The following CTNNA2 variants were observed in gnomAD, a reference collection of about 807,000 sequenced individuals.
CTNNA2 encodes the protein catenin alpha-2.
In CTNNA2, 42 loss-of-function variants were observed where a neutral mutation model predicts 101.0. That is an observed-to-expected ratio of 0.42 (90% confidence interval 0.32 to 0.54). The LOEUF is 0.54. CTNNA2 is among the 20% of genes least tolerant of loss of function. The pLI is 0.14. For synonymous variants in CTNNA2, 450 were observed against 456.4 expected (o/e 0.99, Z 0.18); for missense variants, 871 against 1,223.1 (o/e 0.71, Z 4.29).
At chr2:79,731,840 T>G (rs372619315) in intron 2 of CTNNA2, among the ~76,000 whole-genome samples, 1 of 44 alleles carries the variant, frequency 0.023, no homozygotes, top group Non-Finnish European at 0.071. Flanking sequence ...TTATTTTTGT[T>G]TTTTTTTTTT....
intron 7 of CTNNA2, among the ~76,000 whole-genome samples, chr2:80,141,602 C>T (rs1236534516): frequency 6.6e-6 from 1 of 152,074 alleles, no homozygotes; most frequent in Non-Finnish European, 1.5e-5. Flanking sequence ...ACAACATAAA[C>T]CACCATGAAG....
At chr2:80,571,014 T>G (rs1694543171) in intron 12 of CTNNA2, among the ~76,000 whole-genome samples, 1 of 152,136 alleles carries the variant, frequency 6.6e-6, no homozygotes, top group Admixed American at 6.5e-5. Flanking sequence ...AGGAGGTGGT[T>G]TTAGCGAGAT....
intron 3 of CTNNA2, among the ~76,000 whole-genome samples, chr2:79,343,510 C>T (rs1260326241): frequency 6.6e-6 from 1 of 152,094 alleles, no homozygotes; most frequent in African/African-American, 2.4e-5. Context: ...CTAGAAATAA[C>T]ATATTGATTT....
chr2:79,257,465 A>G (rs1249399826), intron 2 of CTNNA2, among the ~76,000 whole-genome samples: 2 of 152,018 alleles, frequency 1.3e-5, no homozygotes, highest in Non-Finnish European at 2.9e-5. Flanking sequence ...GCCCTAAATG[A>G]CAAGCAATGG....
chr2:79,909,028 T>C (rs1685609887), intron 6 of CTNNA2, among the ~76,000 whole-genome samples: 1 of 152,192 alleles, frequency 6.6e-6, no homozygotes, highest in Non-Finnish European at 1.5e-5. Context: ...TTGTGACAAG[T>C]CTCATACACA....
At chr2:80,448,922 T>G (rs1442505531) in intron 9 of CTNNA2, among the ~76,000 whole-genome samples, 3 of 152,140 alleles carry the variant, frequency 2.0e-5, no homozygotes, top group Non-Finnish European at 4.4e-5. Context: ...TGAAAGGCAA[T>G]TCTTAAGGCA....
intron 3 of CTNNA2, among the ~76,000 whole-genome samples, chr2:79,780,933 A>G (rs1674374021): frequency 6.6e-6 from 1 of 152,220 alleles, no homozygotes; most frequent in Non-Finnish European, 1.5e-5. Context: ...AAGAAAAGTA[A>G]TAAAGATGTC....
chr2:79,361,628 AATAGGATATACAT>A (rs1677631783), intron 3 of CTNNA2, among the ~76,000 whole-genome samples: 2 of 152,178 alleles, frequency 1.3e-5, no homozygotes, highest in Admixed American at 1.3e-4. Flanking sequence ...GGATAGAACT[AATAGGATATACAT>A]ATAAAGGGGA....
intron 7 of CTNNA2, among the ~76,000 whole-genome samples, chr2:79,917,510 T>C (rs1686335707): frequency 6.6e-6 from 1 of 152,252 alleles, no homozygotes; most frequent in African/African-American, 2.4e-5. Flanking sequence ...GAAGTCTTTC[T>C]GCCCTTGCAA....
At chr2:79,293,995 G>C (rs1305223984) in intron 2 of CTNNA2, among the ~76,000 whole-genome samples, 1 of 151,988 alleles carries the variant, frequency 6.6e-6, no homozygotes, top group African/African-American at 2.4e-5. Flanking sequence ...ATAAAGTATG[G>C]AAAGTACTGT....
intron 7 of CTNNA2, among the ~76,000 whole-genome samples, chr2:80,231,401 T>G (rs2149074565): frequency 6.6e-6 from 1 of 152,330 alleles, no homozygotes; most frequent in East Asian, 1.9e-4. Context: ...CCTCAGGTCA[T>G]CTTCCCACTG....
chr2:80,024,946 G>T (rs546356986), intron 7 of CTNNA2, among the ~76,000 whole-genome samples: 1 of 152,280 alleles, frequency 6.6e-6, no homozygotes, highest in African/African-American at 2.4e-5. Flanking sequence ...TTGAGCAGTG[G>T]AAGTGGGTCT....
chr2:80,213,294 A>G (rs1470966648), intron 7 of CTNNA2, among the ~76,000 whole-genome samples: 14 of 151,766 alleles, frequency 9.2e-5, no homozygotes, highest in Middle Eastern at 3.4e-3. Context: ...TAGTTCTTTT[A>G]ATTGTGATGT....
intron 7 of CTNNA2, among the ~76,000 whole-genome samples, chr2:79,946,417 T>TATTACTTTAAACCGAACACTGAGTC (rs1490055744): frequency 6.6e-6 from 1 of 152,218 alleles, no homozygotes; most frequent in African/African-American, 2.4e-5. Flanking sequence ...ACTGAGAGTC[T>TATTACTTTAAACCGAACACTGAGTC]ATTACTTTAA....
chr2:79,365,669 G>A (rs2104450662), intron 3 of CTNNA2, among the ~76,000 whole-genome samples: 1 of 151,792 alleles, frequency 6.6e-6, no homozygotes, highest in Non-Finnish European at 1.5e-5. Flanking sequence ...GGAAGTGGGG[G>A]GGACATGACA....
At chr2:79,461,749 G>A (rs1177357868) in intron 4 of CTNNA2, among the ~76,000 whole-genome samples, 1 of 151,872 alleles carries the variant, frequency 6.6e-6, no homozygotes, top group Non-Finnish European at 1.5e-5. Context: ...CAAAAACACA[G>A]ATATGAAATA....
intron 4 of CTNNA2, among the ~76,000 whole-genome samples, chr2:79,412,634 C>G (rs1270059225): frequency 6.6e-6 from 1 of 151,996 alleles, no homozygotes; most frequent in African/African-American, 2.4e-5. Context: ...ACAACCTGCT[C>G]CTGAATGACT....
intron 4 of CTNNA2, among the ~76,000 whole-genome samples, chr2:79,483,036 T>A (rs1200021859): frequency 6.6e-6 from 1 of 152,206 alleles, no homozygotes; most frequent in Non-Finnish European, 1.5e-5. Context: ...CAACAAATAA[T>A]CACCAAATCT....
intron 4 of CTNNA2, among the ~76,000 whole-genome samples, chr2:79,418,845 A>G (rs1358361312): frequency 6.6e-6 from 1 of 152,026 alleles, no homozygotes; most frequent in African/African-American, 2.4e-5. Flanking sequence ...ATACAGTATT[A>G]TAAAGTATAT....
Sources: allele counts gnomAD v4.1 joint callset (sites outside exome capture counted in the v4.1 genomes callset), GRCh38; gene constraint gnomAD v4.1.1; transcripts MANE v1.5; gene names NCBI Gene and HGNC (gene_info 2026-07-23, HGNC 2026-07-21).